The following EN2 variants were observed in gnomAD, a reference collection of about 807,000 sequenced individuals.
EN2 encodes homeobox protein engrailed-2.
EN2 carries 7 observed loss-of-function variants against 25.0 expected under a neutral mutation model. The observed-to-expected ratio is 0.28, with a 90% CI of 0.16 to 0.53. The LOEUF (loss-of-function observed/expected upper bound fraction) is 0.53, where lower values mean the gene tolerates loss of function less well. EN2 is among the 20% of genes least tolerant of loss of function. The pLI is 0.96. For missense variants in EN2, 524 were observed against 501.8 expected (o/e 1.04, Z -0.42); for synonymous variants, 277 against 243.3 (o/e 1.14, Z -1.29).
rs1472314044 is a variant in EN2 at position 155,458,677 on chromosome 7, CGGCGGCGAA to C, written c.308_316del (p.Glu103_Gly105del). ...CGGGAGGAGGAAGGGGCGGCGGAGC[CGGCGGCGAA>C]GGCGGCGCGAGCGGTGCGGAGGGAG... On this transcript the variant is annotated inframe_deletion, in exon 1 of 2. Transcript: ENST00000297375. The C allele has an allele frequency of 7.4e-6, 10 of 1,351,980 alleles. No homozygotes were observed. The highest frequency in any genetic ancestry group is 2.4e-4 in the Middle Eastern group (1 of 4,166). 83.7% of individuals were successfully genotyped at this position (1,351,980 alleles called of 1,614,324 possible). A position where few individuals can be genotyped will look rare whatever the true frequency, so the allele number is the denominator to read the frequency against.
rs1476940982 is a variant in EN2 at position 155,463,611 on chromosome 7, T to A, written c.*924T>A. On this transcript the variant is annotated 3_prime_UTR_variant, in exon 2 of 2. Transcript: ENST00000297375. ...TCCCACCGCAGTCCTGCCGCAGGCC[T>A]AACCCTCCTGCCCTGGGCACTGCCT... is the stretch of plus-strand genomic sequence containing the variant. The A allele has an allele frequency of 2.1e-5, 3 of 143,314 alleles. No homozygotes were observed. The highest frequency in any genetic ancestry group is 8.4e-5 in the African/African-American group (3 of 35,714). 8.9% of individuals were successfully genotyped at this position (143,314 alleles called of 1,614,324 possible). A position where few individuals can be genotyped will look rare whatever the true frequency, so the allele number is the denominator to read the frequency against.
At position 155,458,545 on chromosome 7, in the gene EN2, G is replaced by A. The variant is rs1413736871; in HGVS notation, c.168G>A (p.Ala56=). 2 of 1,412,336 alleles carry A rather than the reference G, an allele frequency of 1.4e-6. No individual in the cohort carries two copies. Among genetic ancestry groups the A allele is most frequent in the African/African-American group, 3.0e-5 (2 of 67,122 alleles). 87.5% of individuals were successfully genotyped at this position (1,412,336 alleles called of 1,614,324 possible). Residue 56 remains alanine, a synonymous_variant, in exon 1 of 2, where the codon GCG becomes GCA. Transcript: ENST00000297375. ...TGATGCTGCCCGCGGTCCTGCAGGC[G>A]CCCGGCAACCACCAGCACCCGCACC... ...RALMLPAVLQ[A]PGNHQHPHRI...
In EN2 at chr7:155,458,774, C is replaced by A. The variant is rs1305571774; in HGVS notation, c.397C>A (p.Pro133Thr). The stretch of plus-strand genomic sequence containing the variant: ...GGGCTCCCGAGAGCCCCGGCAGAAC[C>A]CGCCATGTGCGCCCGGCGCGGGCGG... ...GSGSREPRQN[P>T]PCAPGAGGPL... Residue 133 changes from proline (P) to threonine (T), a missense_variant, in exon 1 of 2, where the codon CCG becomes ACG. Pro to Thr is a conservative substitution (Grantham distance 38). Coordinates refer to ENST00000297375, the MANE Select transcript of EN2 (RefSeq NM_001427.4). 7.3e-6 allele frequency: 10 copies of A among 1,374,738 alleles called. No individual in the cohort carries two copies. Among genetic ancestry groups the A allele is most frequent in the African/African-American group, 1.5e-5 (1 of 65,040 alleles). The allele number at this position is 1,374,738 out of a possible 1,614,324, so 85.2% of individuals were successfully genotyped here.
In EN2 at chr7:155,458,533, G is replaced by A; in HGVS notation, c.156G>A (p.Ala52=). 7.3e-7 allele frequency: 1 copy of A among 1,377,282 alleles called. No homozygotes were observed. Among genetic ancestry groups the A allele is most frequent in the African/African-American group, 1.5e-5 (1 of 66,278 alleles). The allele number at this position is 1,377,282 out of a possible 1,614,324, so 85.3% of individuals were successfully genotyped here. ...TGRRRALMLP[A]VLQAPGNHQH... The stretch of plus-strand genomic sequence containing the variant: ...GCCGGCGGGCTCTGATGCTGCCCGC[G>A]GTCCTGCAGGCGCCCGGCAACCACC... Residue 52 remains alanine (A), a synonymous_variant, in exon 1 of 2, where the codon GCG becomes GCA. Coordinates refer to ENST00000297375, the MANE Select transcript of EN2 (RefSeq NM_001427.4).
chr7:155,461,975 T>C (rs1277220425), intron 1 of EN2, among the ~76,000 whole-genome samples: 1 of 152,062 alleles, frequency 6.6e-6, no homozygotes, highest in Non-Finnish European at 1.5e-5. Flanking sequence ...CCCAGTCTTC[T>C]CTCCTCCCCT....
At position 155,462,880 on chromosome 7, in the gene EN2, T is replaced by G; in HGVS notation, c.*193T>G. On this transcript the variant is annotated 3_prime_UTR_variant, in exon 2 of 2. Transcript: ENST00000297375. Reference sequence around the variant, plus strand: ...ATCCAAAATATCTGACTATAAAATATTTTTTTGAGTTTTTTGTGTTTATGA... The same window carrying G: ...ATCCAAAATATCTGACTATAAAATAGTTTTTTGAGTTTTTTGTGTTTATGA... The G allele has an allele frequency of 3.0e-6, 2 of 668,140 alleles. No homozygotes were observed. The highest frequency in any genetic ancestry group is 7.7e-5 in the South Asian group (2 of 26,126). 41.4% of individuals were successfully genotyped at this position (668,140 alleles called of 1,614,324 possible).
intron 1 of EN2, among the ~76,000 whole-genome samples, chr7:155,460,254 T>A (rs912295016): frequency 6.6e-6 from 1 of 152,230 alleles, no homozygotes; most frequent in Non-Finnish European, 1.5e-5. Context: ...TCGGCCGGGC[T>A]TTGTGCGGCG....
chr7:155,458,214 C>A lies in EN2; in HGVS notation c.-164C>A, dbSNP rs1585266866. On this transcript the variant is annotated 5_prime_UTR_variant, in exon 1 of 2. Transcript: ENST00000297375. ...AAAGGTGGCTCCGCGCCGAGCGCGG[C>A]CGGCGACTTGTAGGACCTCAGCCCT... The A allele has an allele frequency of 1.0e-6, 1 of 965,680 alleles. No homozygotes were observed. Among genetic ancestry groups the A allele is most frequent in the Non-Finnish European group, 1.4e-6 (1 of 735,884 alleles). The allele number at this position is 965,680 out of a possible 1,614,324, so 59.8% of individuals were successfully genotyped here. A position where few individuals can be genotyped will look rare whatever the true frequency, so the allele number is the denominator to read the frequency against.
At position 155,458,635 on chromosome 7, in the gene EN2, G is replaced by T. The variant is rs777849011; in HGVS notation, c.258G>T (p.Gly86=). 1.7e-5 allele frequency: 25 copies of T among 1,438,208 alleles called. No homozygotes were observed. The highest frequency in any genetic ancestry group is 2.3e-5 in the Non-Finnish European group (25 of 1,093,232). 89.1% of individuals were successfully genotyped at this position (1,438,208 alleles called of 1,614,324 possible). A position where few individuals can be genotyped will look rare whatever the true frequency, so the allele number is the denominator to read the frequency against. Residue 86 remains glycine, a synonymous_variant, in exon 1 of 2, where the codon GGG becomes GGT. Coordinates refer to ENST00000297375, the MANE Select transcript of EN2 (RefSeq NM_001427.4). The part of the protein sequence containing the change: ...RPEFGRRKDA[G]TCCAGAGGGR... ...AGTTCGGCCGGCGAAAGGACGCGGG[G>T]ACCTGCTGTGCGGGCGCGGGAGGAG...
intron 1 of EN2, among the ~76,000 whole-genome samples, chr7:155,461,246 T>A (rs3824067): frequency 0.14 from 20,858 of 152,236 alleles, 1,553 homozygotes; most frequent in East Asian, 0.19. Flanking sequence ...CTAAAGCCGA[T>A]TCATACACCG....
Position 155,462,690 on chromosome 7 carries a change from C to CG in EN2, c.*9dup, listed in dbSNP as rs1563076020. On this transcript the variant is annotated 3_prime_UTR_variant, in exon 2 of 2. Transcript: ENST00000297375. ...AGGGCAAGTCGGACAGCGAGTAGGG[C>CG]GGGGGGCATGGAGGCCAGGTCTCAG... 3.2e-6 allele frequency: 5 copies of CG among 1,566,696 alleles called. No individual in the cohort carries two copies. Among genetic ancestry groups the CG allele is most frequent in the Admixed American group, 1.9e-5 (1 of 52,580 alleles).
chr7:155,458,937 G>A lies in EN2; in HGVS notation c.560G>A (p.Gly187Asp). Reference sequence around the variant, plus strand: ...GGGTCGCTCAAGGCCCGCGGCTTGGGCGGCGGCGACCTGTCGGTGAGCTCG... The same window carrying A: ...GGGTCGCTCAAGGCCCGCGGCTTGGACGGCGGCGACCTGTCGGTGAGCTCG... The part of the protein sequence containing the change: ...LDGSLKARGL[G>D]GGDLSVSSDS... Residue 187 changes from glycine to aspartate, a missense_variant, in exon 1 of 2, where the codon GGC becomes GAC. Physicochemically the swap from Gly to Asp is moderately conservative, Grantham distance 94. Transcript: ENST00000297375. 6.6e-7 allele frequency: 1 copy of A among 1,519,450 alleles called. No individual in the cohort carries two copies. The highest frequency in any genetic ancestry group is 8.8e-7 in the Non-Finnish European group (1 of 1,140,942). The allele number at this position is 1,519,450 out of a possible 1,614,324, so 94.1% of individuals were successfully genotyped here.
chr7:155,458,295 T>C lies in EN2; in HGVS notation c.-83T>C. On this transcript the variant is annotated 5_prime_UTR_variant, in exon 1 of 2. Transcript: ENST00000297375. Reference sequence around the variant, plus strand: ...ACTCGGCGGGGTGGGGGCGCGGGGGTCTCCGTGTGCGCCGCGGGAGGGCCG... The same window carrying C: ...ACTCGGCGGGGTGGGGGCGCGGGGGCCTCCGTGTGCGCCGCGGGAGGGCCG... The C allele has an allele frequency of 4.1e-6, 5 of 1,228,644 alleles. No individual in the cohort carries two copies. Among genetic ancestry groups the C allele is most frequent in the Non-Finnish European group, 5.1e-6 (5 of 981,704 alleles). The allele number at this position is 1,228,644 out of a possible 1,614,324, so 76.1% of individuals were successfully genotyped here.
At position 155,458,668 on chromosome 7, in the gene EN2, C is replaced by T; in HGVS notation, c.291C>T (p.Gly97=). 1.5e-6 allele frequency: 2 copies of T among 1,360,026 alleles called. No homozygotes were observed. The highest frequency in any genetic ancestry group is 9.4e-7 in the Non-Finnish European group (1 of 1,060,872). 84.2% of individuals were successfully genotyped at this position (1,360,026 alleles called of 1,614,324 possible). A position where few individuals can be genotyped will look rare whatever the true frequency, so the allele number is the denominator to read the frequency against. ...GTGCGGGCGCGGGAGGAGGAAGGGGCGGCGGAGCCGGCGGCGAAGGCGGCG... is the reference window on the plus strand; with the variant it reads ...GTGCGGGCGCGGGAGGAGGAAGGGGTGGCGGAGCCGGCGGCGAAGGCGGCG... The part of the protein sequence containing the change: ...TCCAGAGGGR[G]GGAGGEGGAS... Residue 97 remains glycine, a synonymous_variant, in exon 1 of 2, where the codon GGC becomes GGT. Coordinates refer to ENST00000297375, the MANE Select transcript of EN2 (RefSeq NM_001427.4).
At position 155,458,730 on chromosome 7, in the gene EN2, C is replaced by T. The variant is rs559318676; in HGVS notation, c.353C>T (p.Ser118Leu). 3.0e-6 allele frequency: 4 copies of T among 1,341,016 alleles called. No individual in the cohort carries two copies. In the Admixed American group the frequency reaches 1.7e-4, roughly 56 times the overall value. 83.1% of individuals were successfully genotyped at this position (1,341,016 alleles called of 1,614,324 possible). A position where few individuals can be genotyped will look rare whatever the true frequency, so the allele number is the denominator to read the frequency against. Residue 118 changes from serine to leucine, a missense_variant, in exon 1 of 2, where the codon TCG (serine) becomes TTG (leucine). Transcript: ENST00000297375. ...GAGGGAGGCGGCGGCGCGGGCGGCT[C>T]GGAGCAGCTCTTGGGCTCGGGCTCC... The part of the protein sequence containing the change: ...GAEGGGGAGG[S>L]EQLLGSGSRE...
intron 1 of EN2, among the ~76,000 whole-genome samples, chr7:155,459,509 G>A (rs903629645): frequency 2.0e-5 from 3 of 152,200 alleles, no homozygotes; most frequent in African/African-American, 7.2e-5. Flanking sequence ...GCCAGGCCGG[G>A]GACGCATGCC....
At position 155,463,582 on chromosome 7, in the gene EN2, C is replaced by G. The variant is rs1274648912; in HGVS notation, c.*895C>G. The G allele has an allele frequency of 6.6e-6, 1 of 152,340 alleles. No homozygotes were observed. The highest frequency in any genetic ancestry group is 1.5e-5 in the Non-Finnish European group (1 of 68,350). The allele number at this position is 152,340 out of a possible 1,614,324, so 9.4% of individuals were successfully genotyped here. ...GCGTCTGTGGTCTGTGTCGCTGTCC[C>G]CAGTCCCACCGCAGTCCTGCCGCAG... On this transcript the variant is annotated 3_prime_UTR_variant, in exon 2 of 2. Transcript: ENST00000297375.
rs540496103 is a variant in EN2 at position 155,460,159 on chromosome 7, A to C, written c.685+1097A>C. 1.1e-4 allele frequency among the ~76,000 whole-genome samples: 16 copies of C among 152,370 alleles called. No homozygotes were observed. In the South Asian group the frequency reaches 3.3e-3, roughly 32 times the overall value. ...GATGAAATTCAGATTTCTCAGCTAG[A>C]TCTGAAATTTGCTCCATTGTTCTCG... is the stretch of plus-strand genomic sequence containing the variant. On this transcript the variant is annotated intron_variant, in intron 1 of 1. Transcript: ENST00000297375.
At chr7:155,460,836 G>A (rs1450460210) in intron 1 of EN2, among the ~76,000 whole-genome samples, 1 of 152,240 alleles carries the variant, frequency 6.6e-6, no homozygotes, top group South Asian at 2.1e-4. Flanking sequence ...GTGTACGTGT[G>A]CATGGGGTGG....
Sources: gnomAD v4.1 joint callset for allele counts (sites outside exome capture counted in the v4.1 genomes callset) on GRCh38, gnomAD v4.1.1 for gene constraint, MANE v1.5 for transcripts, NCBI Gene and HGNC (gene_info 2026-07-23, HGNC 2026-07-21) for gene names.